The following AXIN1 variants were observed in gnomAD, a reference collection of about 807,000 sequenced individuals.
AXIN1 encodes axin-1.
In AXIN1, 30 loss-of-function variants were observed where a neutral mutation model predicts 76.4. That is an observed-to-expected ratio of 0.39 (90% CI 0.29 to 0.53). The LOEUF (loss-of-function observed/expected upper bound fraction) is 0.53. Ranked by LOEUF, AXIN1 falls within the 20% of genes least tolerant of loss-of-function variation. AXIN1 has a pLI of 0.66. For synonymous variants in AXIN1, 545 were observed against 501.4 expected, an observed-to-expected ratio of 1.09 and a Z score of -1.16; for missense variants, 1,140 against 1,198.8, an observed-to-expected ratio of 0.95 and a Z score of 0.72.
intron 2 of AXIN1, among the ~76,000 whole-genome samples, chr16:329,170 CAA>C (rs1052078056): frequency 6.7e-6 from 1 of 148,210 alleles, no homozygotes; most frequent in African/African-American, 2.5e-5. Context: ...CCCATCTACT[CAA>C]GAGCTGAGGC....
intron 2 of AXIN1, among the ~76,000 whole-genome samples, chr16:338,345 C>A (rs1386882626): frequency 1.3e-5 from 2 of 152,272 alleles, no homozygotes; most frequent in Non-Finnish European, 2.9e-5. Context: ...CCAGAAACAG[C>A]TGCTGCAGGT....
At chr16:310,135 G>A in intron 3 of AXIN1, 66 bp from the exon 4 acceptor site, 1 of 1,483,562 alleles carries the variant, frequency 6.7e-7, no homozygotes, top group Non-Finnish European at 9.2e-7. Context: ...CGTGCCAATA[G>A]AGCTCCTGGC....
chr16:318,049 G>A (rs1326803654), intron 2 of AXIN1, among the ~76,000 whole-genome samples: 3 of 152,100 alleles, frequency 2.0e-5, no homozygotes, highest in Non-Finnish European at 2.9e-5. Context: ...CACAGCACAC[G>A]GCGCGTCTGT....
chr16:308,461 G>A (rs1369044050), intron 4 of AXIN1, among the ~76,000 whole-genome samples: 2 of 152,180 alleles, frequency 1.3e-5, no homozygotes, highest in Non-Finnish European at 2.9e-5. Context: ...CCCCAAAATC[G>A]GGGCACCCCT....
chr16:315,712 A>C (rs1011504017), intron 2 of AXIN1, among the ~76,000 whole-genome samples: 3 of 152,042 alleles, frequency 2.0e-5, no homozygotes, highest in African/African-American at 7.2e-5. Flanking sequence ...CTGTAGTCCC[A>C]GACTACTTCG....
intron 1 of AXIN1, 107 bp downstream of exon 1, chr16:352,262 C>G: frequency 7.3e-6 from 5 of 685,116 alleles, no homozygotes; most frequent in Non-Finnish European, 3.6e-6. Flanking sequence ...CGCGCGCCCA[C>G]CCCCTCGGTC....
intron 2 of AXIN1, among the ~76,000 whole-genome samples, chr16:341,626 C>T (rs934953022): frequency 6.0e-4 from 91 of 152,368 alleles, no homozygotes; most frequent in Admixed American, 1.7e-3. Flanking sequence ...CTGAGGAGTG[C>T]GGGCGCACGG....
rs1017599373 is a variant in AXIN1, at chr16:303,256, T to G, written c.1254+1048A>C. Among the ~76,000 whole-genome samples the G allele has an allele frequency of 5.3e-5, 8 of 152,044 alleles. No homozygotes were observed. The East Asian group carries it at 1.5e-3, about 29-fold the overall frequency. On this transcript the variant is annotated intron_variant, in intron 5 of 10. Coordinates refer to ENST00000262320, the MANE Select transcript of AXIN1 (RefSeq NM_003502.4). ...GCACTGGGAGGAGCGCACACTGGGG[T>G]GGAGCCACAGAAGTCTGCACCATTT...
At position 293,728 on chromosome 16, in the gene AXIN1, C is replaced by G. The variant is rs749264506; in HGVS notation, c.1956-10G>C. On this transcript the variant is annotated splice_polypyrimidine_tract_variant and intron_variant, in intron 7 of 10. Coordinates refer to ENST00000262320, the MANE Select transcript of AXIN1 (RefSeq NM_003502.4). The surrounding 1 kb of genome is among the most constrained non-coding windows in gnomAD (Gnocchi z 4.6). ...CCTCGTCCCCGAAGACCTTGGGGAA[C>G]AAGAGAACAAGTTGTGACTGTGGCC... The G allele has an allele frequency of 2.5e-6, 4 of 1,612,062 alleles. No individual in the cohort carries two copies. Among genetic ancestry groups the G allele is most frequent in the Non-Finnish European group, 3.4e-6 (4 of 1,179,102 alleles).
chr16:321,011 T>G (rs1466792990), intron 2 of AXIN1, among the ~76,000 whole-genome samples: 4 of 152,164 alleles, frequency 2.6e-5, no homozygotes, highest in East Asian at 1.9e-4. Context: ...GTGCTGGGAT[T>G]ACAGGCTTAA....
Position 288,036 on chromosome 16 carries a change from CTCCTGAGTACGAGG to C in AXIN1, c.*72_*85del. The C allele has an allele frequency of 6.2e-7, 1 of 1,602,206 alleles. No individual in the cohort carries two copies. Among genetic ancestry groups the C allele is most frequent in the Non-Finnish European group, 8.5e-7 (1 of 1,175,448 alleles). ...ACACCCAACACTGTTCCCCATCGGG[CTCCTGAGTACGAGG>C]TCATCTGCCTGGCCGTGACACCCGT... On this transcript the variant is annotated 3_prime_UTR_variant, in exon 11 of 11. Coordinates refer to ENST00000262320, the MANE Select transcript of AXIN1 (RefSeq NM_003502.4).
intron 2 of AXIN1, among the ~76,000 whole-genome samples, chr16:336,976 C>T (rs932702134): frequency 3.3e-5 from 5 of 151,230 alleles, no homozygotes; most frequent in Non-Finnish European, 5.9e-5. Flanking sequence ...GGTGAAACCC[C>T]GTCTCTACTA....
At chr16:347,200 TC>T in intron 1 of AXIN1, 94 bp from the exon 2 acceptor site, 1 of 1,105,084 alleles carries the variant, frequency 9.0e-7, no homozygotes, top group Non-Finnish European at 1.3e-6. Context: ...GATGACGCCC[TC>T]CCGCTCAAAC....
intron 4 of AXIN1, among the ~76,000 whole-genome samples, chr16:306,582 G>T (rs1273105830): frequency 6.6e-6 from 1 of 152,198 alleles, no homozygotes; most frequent in Non-Finnish European, 1.5e-5. Flanking sequence ...CTAAACCTGA[G>T]AAGGATGGGG....
chr16:331,221 G>C (rs2053684024), intron 2 of AXIN1, among the ~76,000 whole-genome samples: 1 of 149,540 alleles, frequency 6.7e-6, no homozygotes, highest in South Asian at 2.2e-4. Flanking sequence ...TATCAATCTA[G>C]TTAAGGTAAA....
At chr16:333,002 C>A (rs907003549) in intron 2 of AXIN1, among the ~76,000 whole-genome samples, 1 of 152,018 alleles carries the variant, frequency 6.6e-6, no homozygotes, top group Admixed American at 6.6e-5. Flanking sequence ...CTGGGCAACA[C>A]TGGGAGACCT....
chr16:294,364 G>A (rs1032024473), intron 7 of AXIN1, among the ~76,000 whole-genome samples: 2 of 150,544 alleles, frequency 1.3e-5, no homozygotes, highest in African/African-American at 2.5e-5. Context: ...TCGGGAGGCT[G>A]AGGCAGGAGA....
intron 2 of AXIN1, among the ~76,000 whole-genome samples, chr16:324,079 G>T (rs9929972): frequency 0.022 from 3,375 of 151,806 alleles, 127 homozygotes; most frequent in African/African-American, 0.076. Context: ...GCCCAGTGCA[G>T]GAGAGCCCTG....
chr16:336,603 C>G (rs2053808133), intron 2 of AXIN1, among the ~76,000 whole-genome samples: 1 of 152,068 alleles, frequency 6.6e-6, no homozygotes, highest in Non-Finnish European at 1.5e-5. Flanking sequence ...GGGCAGATCA[C>G]GAGGTCAGTC....
Sources: allele counts gnomAD v4.1 joint callset (sites outside exome capture counted in the v4.1 genomes callset), GRCh38; gene constraint gnomAD v4.1.1; non-coding constraint Gnocchi (gnomAD v3.1); transcripts MANE v1.5; gene names NCBI Gene and HGNC (gene_info 2026-07-23, HGNC 2026-07-21).